GTF2F2: variants seen among roughly 807,000 people sequenced by gnomAD.
The protein encoded by GTF2F2 is general transcription factor IIF subunit 2, also known as ATP-dependent helicase GTF2F2.
In GTF2F2, 23 loss-of-function variants were observed where a neutral mutation model predicts 42.2. That is an observed-to-expected ratio of 0.55 (90% CI 0.39 to 0.77). The LOEUF (loss-of-function observed/expected upper bound fraction) is 0.77. GTF2F2 is among the 30% of genes least tolerant of loss of function. The probability of loss-of-function intolerance (pLI) is 0.00; values close to 1 mark genes in which losing one functional copy is unlikely to be tolerated. For synonymous variants in GTF2F2, 105 were observed against 100.8 expected (o/e 1.04, Z -0.25); for missense variants, 261 against 287.2 (o/e 0.91, Z 0.66).
intron 5 of GTF2F2, among the ~76,000 whole-genome samples, chr13:45,247,949 A>G (rs766774579): frequency 2.6e-5 from 4 of 152,188 alleles, no homozygotes; most frequent in Non-Finnish European, 5.9e-5. Flanking sequence ...GGTTCAAGCA[A>G]TTCTCCTGCC....
At chr13:45,125,313 G>C (rs1344809554) in intron 1 of GTF2F2, among the ~76,000 whole-genome samples, 1 of 150,244 alleles carries the variant, frequency 6.7e-6, no homozygotes, top group Non-Finnish European at 1.5e-5. Context: ...GTTTTTTTTT[G>C]TTTTTGTTTT....
chr13:45,177,217 C>A (rs1231886078), intron 4 of GTF2F2, among the ~76,000 whole-genome samples: 4 of 152,018 alleles, frequency 2.6e-5, no homozygotes, highest in African/African-American at 9.7e-5. Flanking sequence ...ACCAGCTTTG[C>A]CATAAATCAA....
chr13:45,195,948 G>A (rs181880050), intron 4 of GTF2F2, among the ~76,000 whole-genome samples: 2 of 152,230 alleles, frequency 1.3e-5, no homozygotes, highest in Non-Finnish European at 2.9e-5. Flanking sequence ...GAGCTACTGC[G>A]CTGGGCCACA....
rs1161627204 is a variant in GTF2F2 at position 45,127,938 on chromosome 13, C to CTTTTTTTTTT, written c.66+7239_66+7248dup. Among the ~76,000 whole-genome samples the CTTTTTTTTTT allele has an allele frequency of 4.2e-3, 206 of 48,620 alleles. 5 individuals are homozygous for CTTTTTTTTTT. Among genetic ancestry groups the CTTTTTTTTTT allele is most frequent in the Admixed American group, 5.0e-3 (18 of 3,586 alleles). The allele number at this position is 48,620 out of a possible 152,430, so 31.9% of individuals were successfully genotyped here. A position where few individuals can be genotyped will look rare whatever the true frequency, so the allele number is the denominator to read the frequency against. ...GAGCCACTGTGCCTGGCACCCCGGC[C>CTTTTTTTTTT]TTTTTTTTTTTTTTTTTTTTTTTTT... On this transcript the variant is annotated intron_variant, in intron 1 of 7. Coordinates refer to ENST00000340473, the MANE Select transcript of GTF2F2 (RefSeq NM_004128.3).
chr13:45,271,698 G>A (rs1304357072), intron 7 of GTF2F2, among the ~76,000 whole-genome samples: 1 of 152,016 alleles, frequency 6.6e-6, no homozygotes, highest in Non-Finnish European at 1.5e-5. Context: ...ACTACAGGCA[G>A]GCACCACCAT....
At position 45,284,486 on chromosome 13, in the gene GTF2F2, T is replaced by C. The variant is rs1219624474; in HGVS notation, c.*925T>C. ...ACAATACATGTATATGTTAGTTTTTTCTAGCACAACACAATATTATATATT... is the reference window on the plus strand; with the variant it reads ...ACAATACATGTATATGTTAGTTTTTCCTAGCACAACACAATATTATATATT... On this transcript the variant is annotated 3_prime_UTR_variant, in exon 8 of 8. Coordinates refer to ENST00000340473, the MANE Select transcript of GTF2F2 (RefSeq NM_004128.3). 1.3e-5 allele frequency: 2 copies of C among 152,216 alleles called. No homozygotes were observed. Among genetic ancestry groups the C allele is most frequent in the Non-Finnish European group, 2.9e-5 (2 of 68,044 alleles). 9.4% of individuals were successfully genotyped at this position (152,216 alleles called of 1,614,324 possible). A position where few individuals can be genotyped will look rare whatever the true frequency, so the allele number is the denominator to read the frequency against.
intron 4 of GTF2F2, among the ~76,000 whole-genome samples, chr13:45,190,167 C>A (rs986506309): frequency 5.9e-5 from 9 of 152,144 alleles, no homozygotes; most frequent in Middle Eastern, 3.4e-3. Context: ...AAAAAAACAA[C>A]CCCATAAAAA....
rs1025578026 is a variant in GTF2F2 at position 45,227,366 on chromosome 13, C to T, written c.386+19861C>T. Among the ~76,000 whole-genome samples the T allele has an allele frequency of 2.6e-5, 4 of 152,264 alleles. No individual in the cohort carries two copies. In the East Asian group the frequency reaches 7.7e-4, roughly 29 times the overall value. ...AGAGATAGATAGTAACTTATATATT[C>T]TGCTTCAGTTTATCCACAGGGAGAG... On this transcript the variant is annotated intron_variant, in intron 5 of 7. Transcript: ENST00000340473.
In GTF2F2 at chr13:45,176,240, A is replaced by G. The variant is rs947025685; in HGVS notation, c.304+24409A>G. Among the ~76,000 whole-genome samples, 6 of 152,324 alleles carry G rather than the reference A, an allele frequency of 3.9e-5. No individual in the cohort carries two copies. The East Asian group carries it at 7.7e-4, about 20-fold the overall frequency. ...TTGATAAGGCCCAACTGTTTTCCAA[A>G]GAAGCCATCTTAGTTTATCTTCCCA... is the stretch of plus-strand genomic sequence containing the variant. On this transcript the variant is annotated intron_variant, in intron 4 of 7. Coordinates refer to ENST00000340473, the MANE Select transcript of GTF2F2 (RefSeq NM_004128.3).
intron 4 of GTF2F2, among the ~76,000 whole-genome samples, chr13:45,184,476 A>G (rs1338859457): frequency 1.0e-4 from 15 of 148,786 alleles, no homozygotes; most frequent in Admixed American, 8.6e-4. Flanking sequence ...GCAGCCTCGA[A>G]CTCTTGGGCT....
chr13:45,259,681 A>G (rs1876252740), intron 6 of GTF2F2, among the ~76,000 whole-genome samples: 1 of 115,684 alleles, frequency 8.6e-6, no homozygotes, highest in South Asian at 3.1e-4. Flanking sequence ...TTTGTGAGAC[A>G]GAGTCTCGCC....
intron 4 of GTF2F2, among the ~76,000 whole-genome samples, chr13:45,164,196 C>T (rs1230405657): frequency 6.6e-6 from 1 of 151,938 alleles, no homozygotes; most frequent in Non-Finnish European, 1.5e-5. Context: ...ACGAGAATCA[C>T]TTGAACCCAG....
intron 1 of GTF2F2, among the ~76,000 whole-genome samples, chr13:45,127,320 C>CTT (rs113045599): frequency 0.035 from 5,197 of 147,746 alleles, 261 homozygotes; most frequent in African/African-American, 0.12. Flanking sequence ...GCACAATCTG[C>CTT]TTTTTTTTTT....
chr13:45,191,227 ATATATATATATATAT>A lies in GTF2F2; in HGVS notation c.305-16196_305-16182del, dbSNP rs1566129327. Among the ~76,000 whole-genome samples the A allele has an allele frequency of 8.6e-5, 10 of 116,096 alleles. 1 individual carries two copies. The East Asian group carries it at 8.9e-4, about 10-fold the overall frequency. The allele number at this position is 116,096 out of a possible 152,430, so 76.2% of individuals were successfully genotyped here. A position where few individuals can be genotyped will look rare whatever the true frequency, so the allele number is the denominator to read the frequency against. Reference sequence around the variant, plus strand: ...TCTACTAAAAATACAAAAAAAAAATATATATATATATATATATATATATATATAGCCATAATCTCA... The same window carrying A: ...TCTACTAAAAATACAAAAAAAAAATAATATATATATATAGCCATAATCTCA... On this transcript the variant is annotated intron_variant, in intron 4 of 7. Transcript: ENST00000340473.
chr13:45,132,433 G>GT (rs112267600), intron 1 of GTF2F2, among the ~76,000 whole-genome samples: 10,649 of 143,582 alleles, frequency 0.074, 1,130 homozygotes, highest in African/African-American at 0.24. Flanking sequence ...TGTCATTAGT[G>GT]TTTTTTTTTT....
chr13:45,210,683 A>G (rs1873596120), intron 5 of GTF2F2, among the ~76,000 whole-genome samples: 1 of 152,186 alleles, frequency 6.6e-6, no homozygotes, highest in African/African-American at 2.4e-5. Flanking sequence ...CATTCCACAT[A>G]GTAGCTAGTC....
At chr13:45,194,617 A>G in intron 4 of GTF2F2, 1 of 1,507,508 alleles carries the variant, frequency 6.6e-7, no homozygotes, top group Non-Finnish European at 9.0e-7. Context: ...GAGATTTTTT[A>G]AAAAGAGACA....
rs202040469 is a variant in GTF2F2, at chr13:45,144,253, CA to C, written c.141-5507del. Among the ~76,000 whole-genome samples, 201 of 148,158 alleles carry C rather than the reference CA, an allele frequency of 1.4e-3. 1 individual carries two copies. Among genetic ancestry groups the C allele is most frequent in the African/African-American group, 4.5e-3 (182 of 40,382 alleles). The stretch of plus-strand genomic sequence containing the variant: ...GGTCAACAAGCGCAAAACTCAGTCT[CA>C]AAAAAAAAATTAGTTTATAGTTTTG... On this transcript the variant is annotated intron_variant, in intron 2 of 7. Transcript: ENST00000340473.
intron 5 of GTF2F2, among the ~76,000 whole-genome samples, chr13:45,247,354 C>G (rs975126742): frequency 8.6e-5 from 13 of 151,364 alleles, no homozygotes; most frequent in Admixed American, 5.3e-4. Context: ...ATTAAGCTTC[C>G]TGAATATAAG....
Sources: gnomAD v4.1 joint callset for allele counts (sites outside exome capture counted in the v4.1 genomes callset) on GRCh38, gnomAD v4.1.1 for gene constraint, MANE v1.5 for transcripts, NCBI Gene and HGNC (gene_info 2026-07-23, HGNC 2026-07-21) for gene names.